Variants in CD33 observed in about 807,000 individuals in gnomAD.
CD33 encodes myeloid cell surface antigen CD33.
In CD33, 25 loss-of-function variants were observed where a neutral mutation model predicts 31.4. The observed-to-expected ratio is 0.80, with a 90% CI of 0.58 to 1.11. The LOEUF (loss-of-function observed/expected upper bound fraction) is 1.11, where lower values mean the gene tolerates loss of function less well. Among genes scored for constraint, CD33 ranks in the 50% most tolerant of loss-of-function variants. The pLI is 0.00. For synonymous variants in CD33, 176 were observed against 180.6 expected (o/e 0.97, Z 0.20); for missense variants, 407 against 448.1 (o/e 0.91, Z 0.83).
the CD33 span, among the ~76,000 whole-genome samples, chr19:51,213,515 T>C: frequency 1.3e-5 from 2 of 152,266 alleles, no homozygotes; most frequent in African/African-American, 2.4e-5. Flanking sequence ...TTTTGTTTTG[T>C]TTTTTGTTTG....
chr19:51,225,183 C>T (rs371753670), intron 1 of CD33, 28 bp downstream of exon 1: 332 of 1,613,470 alleles, frequency 2.1e-4, no homozygotes, highest in Middle Eastern at 3.3e-4. Flanking sequence ...GAGGGGTTGT[C>T]GGGCTGGGCC....
chr19:51,225,193 C>T (rs555819335), intron 1 of CD33, 25 bp from the exon 2 acceptor site: 49 of 1,613,254 alleles, frequency 3.0e-5, no homozygotes, highest in Admixed American at 6.7e-5. Flanking sequence ...CGGGCTGGGC[C>T]GAGCTGACCC....
At chr19:51,236,196 G>A (rs1418350309) in intron 6 of CD33, 6 of 315,370 alleles carry the variant, frequency 1.9e-5, no homozygotes, top group South Asian at 1.2e-4. Flanking sequence ...CACCGTTCCC[G>A]AGAGGGCACA....
chr19:51,238,421 G>A (rs1244179005), intron 6 of CD33: 2 of 152,066 alleles, frequency 1.3e-5, no homozygotes, highest in South Asian at 2.1e-4. Flanking sequence ...GAAGAGAAGG[G>A]GTCCACAGAC....
intron 4 of CD33, among the ~76,000 whole-genome samples, chr19:51,226,702 T>C (rs919991840): frequency 1.3e-5 from 2 of 152,142 alleles, no homozygotes; most frequent in Admixed American, 1.3e-4. Context: ...ATCTTGAACA[T>C]TTATTATTTC....
At chr19:51,222,289 C>A (rs1980720345), upstream of CD33, among the ~76,000 whole-genome samples, 1 of 152,150 alleles carries the variant, frequency 6.6e-6, no homozygotes, top group Non-Finnish European at 1.5e-5. Context: ...TGGCACATGG[C>A]TAGGAGGAGT....
At chr19:51,233,055 G>A (rs1320826492) in intron 4 of CD33, among the ~76,000 whole-genome samples, 1 of 152,228 alleles carries the variant, frequency 6.6e-6, no homozygotes, top group East Asian at 1.9e-4. Flanking sequence ...TGGAATGCAA[G>A]CACATTCTGC....
chr19:51,215,515 C>T, the CD33 span, among the ~76,000 whole-genome samples: 4 of 152,182 alleles, frequency 2.6e-5, no homozygotes, highest in African/African-American at 9.7e-5. Flanking sequence ...AAGGCAGCAG[C>T]AGCTGTGGAG....
At chr19:51,212,445 G>T in the CD33 span, among the ~76,000 whole-genome samples, 1 of 151,920 alleles carries the variant, frequency 6.6e-6, no homozygotes, top group East Asian at 1.9e-4. Flanking sequence ...CCTCATCCTG[G>T]TGATCTGACA....
chr19:51,234,218 C>T (rs995558794), intron 4 of CD33, among the ~76,000 whole-genome samples: 4 of 152,110 alleles, frequency 2.6e-5, no homozygotes, highest in African/African-American at 7.2e-5. Context: ...ATAGTTTCCC[C>T]GGCCATCAGC....
upstream of CD33, among the ~76,000 whole-genome samples, chr19:51,222,671 C>T (rs910564145): frequency 6.6e-6 from 1 of 152,124 alleles, no homozygotes; most frequent in Admixed American, 6.5e-5. Context: ...TGAAAGAGGA[C>T]ATATCAGTGG....
At chr19:51,238,280 T>C (rs1248037953) in intron 6 of CD33, 3 of 152,244 alleles carry the variant, frequency 2.0e-5, no homozygotes, top group African/African-American at 7.2e-5. Flanking sequence ...AAGTTTGAGG[T>C]GCCTCTGAGA....
chr19:51,225,716 G>A lies in CD33; in HGVS notation c.419-87G>A, dbSNP rs1980956822. ...GGGGTAAAGCCTGTCGTGCTTAGCGGGGGAGCTTGACCAGAGGTTGATCTT... is the reference window on the plus strand; with the variant it reads ...GGGGTAAAGCCTGTCGTGCTTAGCGAGGGAGCTTGACCAGAGGTTGATCTT... On this transcript the variant is annotated intron_variant, in intron 2 of 6. Transcript: ENST00000262262. The A allele has an allele frequency of 7.8e-6, 12 of 1,542,344 alleles. No homozygotes were observed. The South Asian group carries it at 1.5e-4, about 19-fold the overall frequency.
the CD33 span, chr19:51,211,168 G>T: frequency 6.3e-7 from 1 of 1,594,010 alleles, no homozygotes; most frequent in Admixed American, 1.7e-5. Context: ...GGGGAGAGGG[G>T]TTGTCGGGCT....
chr19:51,227,741 CT>C (rs1981132020), intron 4 of CD33, among the ~76,000 whole-genome samples: 1 of 152,070 alleles, frequency 6.6e-6, no homozygotes, highest in East Asian at 1.9e-4. Flanking sequence ...CATTTATTTA[CT>C]TTTGCTTTTG....
chr19:51,223,080 C>A (rs1980761234), upstream of CD33, among the ~76,000 whole-genome samples: 1 of 151,938 alleles, frequency 6.6e-6, no homozygotes, highest in Non-Finnish European at 1.5e-5. Context: ...GTTACTCCGG[C>A]CTGGTAGTAT....
chr19:51,223,260 G>A (rs1980775773), upstream of CD33, among the ~76,000 whole-genome samples: 1 of 151,950 alleles, frequency 6.6e-6, no homozygotes, highest in African/African-American at 2.4e-5. Flanking sequence ...TCTATTACGT[G>A]CCACATGCTA....
At chr19:51,211,222 G>T in the CD33 span, 1 of 1,570,556 alleles carries the variant, frequency 6.4e-7, no homozygotes, top group Admixed American at 1.8e-5. Flanking sequence ...CCTGGCTATG[G>T]ATCCAAAAAT....
At chr19:51,233,648 C>T (rs1005085141) in intron 4 of CD33, among the ~76,000 whole-genome samples, 2 of 152,244 alleles carry the variant, frequency 1.3e-5, no homozygotes, top group African/African-American at 4.8e-5. Flanking sequence ...GAATTCCTGG[C>T]AGCTCTTCCA....
Sources: allele counts gnomAD v4.1 joint callset (sites outside exome capture counted in the v4.1 genomes callset), GRCh38; gene constraint gnomAD v4.1.1; transcripts MANE v1.5; gene names NCBI Gene and HGNC (gene_info 2026-07-23, HGNC 2026-07-21).